XXYLT1: variants seen among roughly 807,000 people sequenced by gnomAD.
The protein encoded by XXYLT1 is xyloside xylosyltransferase 1.
XXYLT1 carries 20 observed loss-of-function variants against 28.9 expected under a neutral mutation model. The observed-to-expected ratio is 0.69, with a 90% confidence interval of 0.49 to 1.00. XXYLT1 has a LOEUF of 1.00. XXYLT1 is among the 50% of genes least tolerant of loss of function. The pLI, the probability that XXYLT1 is intolerant of heterozygous loss-of-function variation, is 0.00. For missense variants in XXYLT1, 542 were observed against 560.1 expected, an observed-to-expected ratio of 0.97 and a Z score of 0.33; for synonymous variants, 257 against 253.8, an observed-to-expected ratio of 1.01 and a Z score of -0.12.
At chr3:195,093,690 A>AAAT (rs1716245903) in intron 3 of XXYLT1, 3 of 151,298 alleles carry the variant, frequency 2.0e-5, no homozygotes, top group African/African-American at 7.3e-5. Context: ...TAAAAAAATA[A>AAAT]AAATAAATAA....
Position 195,129,404 on chromosome 3 carries a change from CA to C in XXYLT1, c.785+27044del, listed in dbSNP as rs1718791700. 6.6e-6 allele frequency among the ~76,000 whole-genome samples: 1 copy of C among 152,176 alleles called. No homozygotes were observed. The highest frequency in any genetic ancestry group is 1.5e-5 in the Non-Finnish European group (1 of 68,032). The stretch of plus-strand genomic sequence containing the variant: ...TCGTACCCTTTAGCTATCGCTCCCC[CA>C]AAACTCCTGGACCACCTGCCCCAGC... On this transcript the variant is annotated intron_variant, in intron 3 of 3. Coordinates refer to ENST00000310380, the MANE Select transcript of XXYLT1 (RefSeq NM_152531.5). The surrounding 1 kb of genome is among the most constrained non-coding windows in gnomAD (Gnocchi z 4.4).
chr3:195,095,944 G>C (rs1332203903), intron 3 of XXYLT1: 2 of 152,220 alleles, frequency 1.3e-5, no homozygotes, highest in African/African-American at 4.8e-5. Flanking sequence ...AGCAGCTTCA[G>C]AGAAGGTCTT....
chr3:195,176,885 G>A lies in XXYLT1; in HGVS notation c.653-20304C>T, dbSNP rs1239277416. Among the ~76,000 whole-genome samples the A allele has an allele frequency of 1.3e-5, 2 of 152,318 alleles. No individual in the cohort carries two copies. Among genetic ancestry groups the A allele is most frequent in the East Asian group, 3.9e-4 (2 of 5,184 alleles). ...GTGATCTGAGAGGTAGGACAAGGCC[G>A]ACTCCTTGGAACCAGCAAGAAACTC... is the stretch of plus-strand genomic sequence containing the variant. On this transcript the variant is annotated intron_variant, in intron 2 of 3. Transcript: ENST00000310380. This position sits in a 1 kb window ranked among gnomAD's most constrained non-coding sequence, Gnocchi z 4.9.
chr3:195,268,158 G>A (rs1256756909), intron 1 of XXYLT1, among the ~76,000 whole-genome samples: 1 of 152,078 alleles, frequency 6.6e-6, no homozygotes, highest in Non-Finnish European at 1.5e-5. Context: ...GGCCAGGCGC[G>A]GTGGTTCACG....
chr3:195,233,444 T>C (rs561575214), intron 1 of XXYLT1, among the ~76,000 whole-genome samples: 1 of 152,348 alleles, frequency 6.6e-6, no homozygotes, highest in East Asian at 1.9e-4. Context: ...GGTCTTCCCT[T>C]TTAGTAAAGG....
chr3:195,180,352 T>G lies in XXYLT1; in HGVS notation c.653-23771A>C, dbSNP rs1420245377. ...AAGGAAGGAGCCACAAAGGTCTGGATGGTTTATCCCCCTGGCCCGCCTGGC... is the reference window on the plus strand; with the variant it reads ...AAGGAAGGAGCCACAAAGGTCTGGAGGGTTTATCCCCCTGGCCCGCCTGGC... On this transcript the variant is annotated intron_variant, in intron 2 of 3. Coordinates refer to ENST00000310380, the MANE Select transcript of XXYLT1 (RefSeq NM_152531.5). The surrounding 1 kb of genome is among the most constrained non-coding windows in gnomAD (Gnocchi z 5.8). 4.1e-6 allele frequency: 4 copies of G among 985,366 alleles called. No individual in the cohort carries two copies. In the African/African-American group the frequency reaches 7.0e-5, roughly 17 times the overall value. 61.0% of individuals were successfully genotyped at this position (985,366 alleles called of 1,614,324 possible). A position where few individuals can be genotyped will look rare whatever the true frequency, so the allele number is the denominator to read the frequency against.
intron 3 of XXYLT1, among the ~76,000 whole-genome samples, chr3:195,101,981 GA>G (rs71180911): frequency 2.8e-4 from 3 of 10,560 alleles, no homozygotes; most frequent in Non-Finnish European, 6.6e-4. Context: ...GGGAGGGAGG[GA>G]TGCGGGGAGG....
chr3:195,170,118 G>A (rs1435158522), intron 2 of XXYLT1, among the ~76,000 whole-genome samples: 6 of 151,908 alleles, frequency 3.9e-5, no homozygotes, highest in Admixed American at 3.9e-4. Context: ...CCAAAGTGCT[G>A]GAATTACAGG....
At chr3:195,177,936 T>TAAAAA (rs56022005) in intron 2 of XXYLT1, among the ~76,000 whole-genome samples, 1 of 115,654 alleles carries the variant, frequency 8.6e-6, no homozygotes, top group Non-Finnish European at 1.8e-5. Flanking sequence ...CTCTGTCTCT[T>TAAAAA]AAAAAAAAAA....
At chr3:195,120,303 C>CCCCCCCCCCCCCCCCCCCCT (rs1560106289) in intron 3 of XXYLT1, among the ~76,000 whole-genome samples, 1 of 142,168 alleles carries the variant, frequency 7.0e-6, no homozygotes, top group Non-Finnish European at 1.5e-5. Context: ...GCCCCAGCCC[C>CCCCCCCCCCCCCCCCCCCCT]CATGGCCACA....
chr3:195,199,614 AG>A (rs957691456), intron 2 of XXYLT1, among the ~76,000 whole-genome samples: 5 of 152,034 alleles, frequency 3.3e-5, no homozygotes, highest in African/African-American at 9.7e-5. Context: ...CGGTCTCAAA[AG>A]AAAAAAAAAG....
intron 3 of XXYLT1, among the ~76,000 whole-genome samples, chr3:195,109,460 T>C (rs1338497730): frequency 1.3e-5 from 2 of 151,488 alleles, no homozygotes; most frequent in African/African-American, 2.4e-5. Flanking sequence ...TGTGTGCGTG[T>C]ATGTGGTATA....
chr3:195,247,988 C>T (rs983501911), intron 1 of XXYLT1: 18 of 536,508 alleles, frequency 3.4e-5, no homozygotes, highest in African/African-American at 7.8e-5. Context: ...TCCTCTGACA[C>T]GTGGGGATTA....
At chr3:195,085,820 GA>G (rs1715695761) in intron 3 of XXYLT1, 1 of 152,532 alleles carries the variant, frequency 6.6e-6, no homozygotes, top group African/African-American at 2.4e-5. Context: ...CCCAACACAG[GA>G]AAGAGGTGCC....
In XXYLT1 at chr3:195,176,618, G is replaced by A. The variant is rs530277809; in HGVS notation, c.653-20037C>T. ...CTCCCTAGCTTCTCCAGTTCCTCAT[G>A]TTTGGAGATACATTGATGTTGATGA... On this transcript the variant is annotated intron_variant, in intron 2 of 3. Transcript: ENST00000310380. This position sits in a 1 kb window ranked among gnomAD's most constrained non-coding sequence, Gnocchi z 4.9. Among the ~76,000 whole-genome samples the A allele has an allele frequency of 6.6e-6, 1 of 152,286 alleles. No homozygotes were observed. Among genetic ancestry groups the A allele is most frequent in the East Asian group, 1.9e-4 (1 of 5,190 alleles).
At chr3:195,073,822 A>G (rs182284384) in intron 3 of XXYLT1, among the ~76,000 whole-genome samples, 200 of 152,352 alleles carry the variant, frequency 1.3e-3, no homozygotes, top group African/African-American at 4.1e-3. Context: ...ATTAAAAGCT[A>G]GTCAACTAGT....
Position 195,190,565 on chromosome 3 carries a change from A to G in XXYLT1, c.653-33984T>C, listed in dbSNP as rs58499569. 5.3e-4 allele frequency among the ~76,000 whole-genome samples: 81 copies of G among 151,798 alleles called. 2 individuals are homozygous for G. The highest frequency in any genetic ancestry group is 1.8e-3 in the African/African-American group (73 of 41,348). ...TGAAAGGAAATGATGGCAGATGGTA[A>G]CTTGTGTCCACAGGAAGAAACGAAG... On this transcript the variant is annotated intron_variant, in intron 2 of 3. Coordinates refer to ENST00000310380, the MANE Select transcript of XXYLT1 (RefSeq NM_152531.5).
chr3:195,100,441 G>C (rs1716713842), intron 3 of XXYLT1, among the ~76,000 whole-genome samples: 1 of 152,154 alleles, frequency 6.6e-6, no homozygotes, highest in Non-Finnish European at 1.5e-5. Context: ...CCCCCAGAAG[G>C]CAGGCATCTG....
chr3:195,270,464 A>G (rs1194294931), intron 1 of XXYLT1, 91 bp downstream of exon 1: 6 of 1,341,266 alleles, frequency 4.5e-6, no homozygotes, highest in African/African-American at 1.5e-5. Context: ...CCTACCCGCT[A>G]GTTCCCCGGA....
Sources: allele counts gnomAD v4.1 joint callset (sites outside exome capture counted in the v4.1 genomes callset), GRCh38; gene constraint gnomAD v4.1.1; non-coding constraint Gnocchi (gnomAD v3.1); transcripts MANE v1.5; gene names NCBI Gene and HGNC (gene_info 2026-07-23, HGNC 2026-07-21).